The following DGKB variants were observed in gnomAD, a reference collection of about 807,000 sequenced individuals.
DGKB encodes diacylglycerol kinase beta, also known as 90 kDa diacylglycerol kinase.
Under a neutral mutation model 114.3 loss-of-function variants are expected in DGKB, and 67 were observed. That is an observed-to-expected ratio of 0.59 (90% CI 0.48 to 0.72). The LOEUF is 0.72. Among genes scored for constraint, DGKB ranks in the 30% least tolerant of loss-of-function variants. The probability of loss-of-function intolerance (pLI) is 0.00; values close to 1 mark genes in which losing one functional copy is unlikely to be tolerated. For synonymous variants in DGKB, 398 were observed against 323.1 expected (o/e 1.23, Z -2.49); for missense variants, 907 against 975.2 (o/e 0.93, Z 0.93).
chr7:14,710,519 C>G (rs1187698513), intron 6 of DGKB, among the ~76,000 whole-genome samples: 3 of 152,108 alleles, frequency 2.0e-5, no homozygotes, highest in Non-Finnish European at 4.4e-5. Flanking sequence ...GCAATGATCT[C>G]CAACAGAAAG....
intron 3 of DGKB, among the ~76,000 whole-genome samples, chr7:14,757,332 G>T (rs1835025923): frequency 6.6e-6 from 1 of 152,020 alleles, no homozygotes; most frequent in Admixed American, 6.6e-5. Context: ...ACACTTAAAT[G>T]ATTCATATTC....
At chr7:14,958,190 A>G (rs2115259500) in intron 1 of DGKB, among the ~76,000 whole-genome samples, 1 of 152,138 alleles carries the variant, frequency 6.6e-6, no homozygotes, top group African/African-American at 2.4e-5. Context: ...GAGGAAACTC[A>G]CACATCTAAC....
chr7:14,307,369 C>A (rs1804660333), intron 23 of DGKB, among the ~76,000 whole-genome samples: 1 of 152,178 alleles, frequency 6.6e-6, no homozygotes, highest in South Asian at 2.1e-4. Flanking sequence ...GTGTTATAAG[C>A]TTTCATCCAA....
At chr7:14,618,995 T>A (rs904290745) in intron 15 of DGKB, among the ~76,000 whole-genome samples, 2 of 151,552 alleles carry the variant, frequency 1.3e-5, no homozygotes, top group Non-Finnish European at 3.0e-5. Context: ...AACACAAAAT[T>A]ACTATTTTTT....
chr7:14,396,211 A>T (rs1822189711), intron 21 of DGKB, among the ~76,000 whole-genome samples: 1 of 151,964 alleles, frequency 6.6e-6, no homozygotes, highest in South Asian at 2.1e-4. Context: ...AAAATTTCAC[A>T]TTTTTTTCTA....
intron 1 of DGKB, among the ~76,000 whole-genome samples, chr7:14,854,062 A>G (rs1030010958): frequency 2.6e-5 from 4 of 151,958 alleles, no homozygotes; most frequent in Non-Finnish European, 5.9e-5. Context: ...AGATCAACAT[A>G]CTGTTTCCAA....
intron 21 of DGKB, among the ~76,000 whole-genome samples, chr7:14,394,073 G>T (rs572053391): frequency 6.6e-6 from 1 of 152,152 alleles, no homozygotes; most frequent in African/African-American, 2.4e-5. Context: ...ATTCACAGTG[G>T]TATCTAGAAA....
At chr7:14,501,651 G>A (rs770636504) in intron 20 of DGKB, among the ~76,000 whole-genome samples, 3 of 151,904 alleles carry the variant, frequency 2.0e-5, no homozygotes, top group Non-Finnish European at 4.4e-5. Context: ...GGCAATACGT[G>A]TTCTGCTGGA....
At chr7:14,372,204 G>A (rs1313364471) in intron 21 of DGKB, among the ~76,000 whole-genome samples, 1 of 152,090 alleles carries the variant, frequency 6.6e-6, no homozygotes, top group African/African-American at 2.4e-5. Context: ...CACCTACCCG[G>A]GCTTCAATCA....
intron 23 of DGKB, among the ~76,000 whole-genome samples, chr7:14,180,659 GC>G (rs1483897002): frequency 6.6e-6 from 1 of 152,078 alleles, no homozygotes; most frequent in African/African-American, 2.4e-5. Context: ...GCACGAATTT[GC>G]CCCCATAACA....
At chr7:14,749,434 G>C (rs998833213) in intron 4 of DGKB, among the ~76,000 whole-genome samples, 1 of 151,980 alleles carries the variant, frequency 6.6e-6, no homozygotes, top group Non-Finnish European at 1.5e-5. Context: ...CCTAAGACTA[G>C]AATTATGAAG....
At chr7:14,276,198 A>C (rs1798962024) in intron 23 of DGKB, among the ~76,000 whole-genome samples, 1 of 152,186 alleles carries the variant, frequency 6.6e-6, no homozygotes, top group Non-Finnish European at 1.5e-5. Flanking sequence ...AAAAATTTCC[A>C]ATGATACCAC....
At chr7:14,157,875 C>T (rs1783261454) in intron 25 of DGKB, among the ~76,000 whole-genome samples, 1 of 152,090 alleles carries the variant, frequency 6.6e-6, no homozygotes, top group African/African-American at 2.4e-5. Context: ...AATACAAAAA[C>T]ACTTCTTTTC....
intron 2 of DGKB, among the ~76,000 whole-genome samples, chr7:14,836,261 G>A (rs1199436002): frequency 6.6e-6 from 1 of 152,132 alleles, no homozygotes; most frequent in Non-Finnish European, 1.5e-5. Context: ...TTATTGAAAA[G>A]AACAAATTCA....
rs545444805 is a variant in DGKB, at chr7:14,357,511, C to G, written c.1836-12120G>C. On this transcript the variant is annotated intron_variant, in intron 21 of 25. Transcript: ENST00000402815. ...ATATCTTTGCACGTGAGATGGGTCTCCTGAATACAGCATACCAATGGGTCT... is the reference window on the plus strand; with the variant it reads ...ATATCTTTGCACGTGAGATGGGTCTGCTGAATACAGCATACCAATGGGTCT... 2.6e-5 allele frequency among the ~76,000 whole-genome samples: 4 copies of G among 152,246 alleles called. No individual in the cohort carries two copies. In the South Asian group the frequency reaches 8.3e-4, roughly 32 times the overall value.
At chr7:14,809,595 G>A (rs1214256839) in intron 2 of DGKB, among the ~76,000 whole-genome samples, 2 of 151,952 alleles carry the variant, frequency 1.3e-5, no homozygotes, top group Non-Finnish European at 2.9e-5. Context: ...AGTAAAGAAC[G>A]CATAACACTG....
intron 21 of DGKB, among the ~76,000 whole-genome samples, chr7:14,419,087 C>A (rs2128759576): frequency 6.6e-6 from 1 of 151,962 alleles, no homozygotes; most frequent in African/African-American, 2.4e-5. Flanking sequence ...AGAATCCTTA[C>A]TCTGGGACAG....
chr7:14,423,925 T>G (rs1444189811), intron 21 of DGKB, among the ~76,000 whole-genome samples: 1 of 152,120 alleles, frequency 6.6e-6, no homozygotes, highest in Non-Finnish European at 1.5e-5. Flanking sequence ...GTCTTCTACA[T>G]GTCATTTAAA....
chr7:14,209,037 T>A (rs1328203329), intron 23 of DGKB: 1 of 164,754 alleles, frequency 6.1e-6, no homozygotes, highest in African/African-American at 2.4e-5. Flanking sequence ...CATACTTGCA[T>A]ACATCGTTTC....
Sources: gnomAD v4.1 joint callset for allele counts (sites outside exome capture counted in the v4.1 genomes callset) on GRCh38, gnomAD v4.1.1 for gene constraint, MANE v1.5 for transcripts, NCBI Gene and HGNC (gene_info 2026-07-23, HGNC 2026-07-21) for gene names.